The following NID1 variants were observed in gnomAD, a reference collection of about 807,000 sequenced individuals.
The protein encoded by NID1 is nidogen-1.
Under a neutral mutation model 130.6 loss-of-function variants are expected in NID1, and 76 were observed. The observed-to-expected ratio is 0.58, with a 90% confidence interval of 0.48 to 0.70. The LOEUF is 0.70. Among genes scored for constraint, NID1 ranks in the 30% least tolerant of loss-of-function variants. The pLI, the probability that NID1 is intolerant of heterozygous loss-of-function variation, is 0.00. For missense variants in NID1, 1,517 were observed against 1,664.8 expected (o/e 0.91, Z 1.54); for synonymous variants, 665 against 675.1 (o/e 0.98, Z 0.23).
intron 2 of NID1, among the ~76,000 whole-genome samples, chr1:236,047,801 T>C (rs983798016): frequency 1.3e-5 from 2 of 150,850 alleles, no homozygotes; most frequent in African/African-American, 4.9e-5. Flanking sequence ...CTGAGGTGGG[T>C]GGATCATTTG....
rs748334985 is a variant in NID1, at chr1:236,029,640, T to C, written c.1648A>G (p.Thr550Ala). 5.6e-6 allele frequency: 9 copies of C among 1,612,960 alleles called. No homozygotes were observed. Among genetic ancestry groups the C allele is most frequent in the Non-Finnish European group, 7.6e-6 (9 of 1,179,624 alleles). Residue 550 changes from threonine to alanine, a missense_variant, in exon 7 of 20, where the codon ACG (threonine) becomes GCG (alanine). By Grantham distance (58) the Thr-to-Ala change is moderately conservative (BLOSUM62 0). Coordinates refer to ENST00000264187, the MANE Select transcript of NID1 (RefSeq NM_002508.3). ...TGCGGCACGCGGCCCTCCAGCTCCG[T>C]GTCGATGGTCAGGTGCCCATGCTCA... ...IDEHGHLTID[T>A]ELEGRVPQIP...
chr1:235,980,021 G>T lies in NID1; in HGVS notation c.3386-76C>A, dbSNP rs932701811. On this transcript the variant is annotated intron_variant, in intron 17 of 19. Transcript: ENST00000264187. ...TTTGTGCAAAAAAAACAAGAGTAAT[G>T]AGGGCAAGAGTGGGAGAAATTAAGC... 3.0e-5 allele frequency: 45 copies of T among 1,497,716 alleles called. No homozygotes were observed. In the Admixed American group the frequency reaches 7.3e-4, roughly 24 times the overall value. The allele number at this position is 1,497,716 out of a possible 1,614,324, so 92.8% of individuals were successfully genotyped here.
chr1:236,044,485 A>T (rs568718361), intron 3 of NID1, among the ~76,000 whole-genome samples: 1 of 152,292 alleles, frequency 6.6e-6, no homozygotes, highest in Admixed American at 6.5e-5. Context: ...GAGTGACATG[A>T]CGTTAATAAC....
At chr1:236,007,450 T>C (rs1392370207) in intron 12 of NID1, among the ~76,000 whole-genome samples, 2 of 152,170 alleles carry the variant, frequency 1.3e-5, no homozygotes, top group African/African-American at 4.8e-5. Context: ...TGGTCTTCCA[T>C]ACTTGGGCAG....
chr1:236,030,824 CAA>C (rs1211722878), intron 6 of NID1, among the ~76,000 whole-genome samples: 1 of 152,186 alleles, frequency 6.6e-6, no homozygotes, highest in African/African-American at 2.4e-5. Flanking sequence ...CAGGAATTTG[CAA>C]AGACTTCCTC....
At position 236,029,622 on chromosome 1, in the gene NID1, C is replaced by A. The variant is rs376540541; in HGVS notation, c.1666G>T (p.Val556Leu). The A allele has an allele frequency of 6.2e-7, 1 of 1,607,316 alleles. No individual in the cohort carries two copies. The highest frequency in any genetic ancestry group is 1.1e-5 in the South Asian group (1 of 89,892). Residue 556 changes from valine (V) to leucine (L), a missense_variant, in exon 7 of 20, where the codon GTG (valine) becomes TTG (leucine). Val to Leu is a conservative substitution (Grantham distance 32). Transcript: ENST00000264187. ...GAGGAGCCGAACGGAATCTGCGGCA[C>A]GCGGCCCTCCAGCTCCGTGTCGATG... ...LTIDTELEGR[V>L]PQIPFGSSVH... is the part of the protein sequence containing the mutation.
chr1:236,033,047 C>T (rs1659146807), intron 5 of NID1, among the ~76,000 whole-genome samples: 1 of 152,180 alleles, frequency 6.6e-6, no homozygotes, highest in African/African-American at 2.4e-5. Context: ...GTGGCTCATG[C>T]CTGTAATCCC....
At chr1:236,026,220 C>T (rs1392356483) in intron 7 of NID1, 79 bp from the exon 8 acceptor site, 25 of 1,568,422 alleles carry the variant, frequency 1.6e-5, no homozygotes, top group Admixed American at 1.4e-4. Flanking sequence ...GCTGAATCAA[C>T]GGCTTTCAAG....
At chr1:236,052,609 A>G (rs1344201606) in intron 1 of NID1, among the ~76,000 whole-genome samples, 1 of 152,180 alleles carries the variant, frequency 6.6e-6, no homozygotes, top group African/African-American at 2.4e-5. Flanking sequence ...ATGAGAAAAA[A>G]AAAATCTATT....
chr1:235,980,053 A>T, intron 17 of NID1, 108 bp from the exon 18 acceptor site: 2 of 1,265,362 alleles, frequency 1.6e-6, no homozygotes, highest in Non-Finnish European at 2.3e-6. Context: ...AAGCATTACA[A>T]TGACAAGTCC....
At chr1:236,033,666 C>T (rs997776575) in intron 5 of NID1, among the ~76,000 whole-genome samples, 3 of 152,108 alleles carry the variant, frequency 2.0e-5, no homozygotes, top group African/African-American at 7.2e-5. Context: ...TCCTTAATAC[C>T]TTGATAATAA....
chr1:235,980,386 G>A, intron 17 of NID1, 110 bp downstream of exon 17: 1 of 1,082,762 alleles, frequency 9.2e-7, no homozygotes, highest in Non-Finnish European at 1.3e-6. Context: ...ATAGCTTCTG[G>A]GTTATATAAA....
At position 236,025,907 on chromosome 1, in the gene NID1, C is replaced by A; in HGVS notation, c.1973G>T (p.Gly658Val). ...ILRYALSNSI[G>V]PVREGSPDAL... ...CTGTATCCCCTTACCCCTCACAGGC[C>A]CAATGGAGTTGCTGAGAGCATAGCG... Residue 658 changes from glycine (G) to valine (V), a missense_variant, in exon 8 of 20, where the codon GGG (glycine) becomes GTG (valine). Gly to Val is a moderately radical substitution (Grantham distance 109). Around this residue, in one of 3 missense-constraint regions of NID1, gnomAD observed 1,329 missense variants for 1,429.2 expected, o/e 0.93. Transcript: ENST00000264187. 1 of 1,613,964 alleles carries A rather than the reference C, an allele frequency of 6.2e-7. No homozygotes were observed. Among genetic ancestry groups the A allele is most frequent in the Non-Finnish European group, 8.5e-7 (1 of 1,179,970 alleles).
At chr1:236,049,459 GA>G (rs972285103) in intron 1 of NID1, among the ~76,000 whole-genome samples, 7 of 152,026 alleles carry the variant, frequency 4.6e-5, no homozygotes, top group African/African-American at 1.7e-4. Flanking sequence ...CAGCCTGGGT[GA>G]CAGGGTGAAC....
chr1:236,016,160 A>C (rs190058245), intron 10 of NID1, among the ~76,000 whole-genome samples: 1 of 152,256 alleles, frequency 6.6e-6, no homozygotes, highest in African/African-American at 2.4e-5. Flanking sequence ...ACTGAGGAAA[A>C]AAAAAAAAGA....
At chr1:236,059,399 A>G (rs1018757419) in intron 1 of NID1, among the ~76,000 whole-genome samples, 1 of 152,226 alleles carries the variant, frequency 6.6e-6, no homozygotes, top group Non-Finnish European at 1.5e-5. Flanking sequence ...TAGAGCCCAC[A>G]AGTGGACCTG....
intron 1 of NID1, among the ~76,000 whole-genome samples, chr1:236,052,393 G>T (rs1200645549): frequency 6.6e-6 from 1 of 152,140 alleles, no homozygotes; most frequent in Admixed American, 6.5e-5. Context: ...ATCCCCAAGG[G>T]CACTGGGCCG....
intron 8 of NID1, among the ~76,000 whole-genome samples, chr1:236,025,458 C>T (rs1405179999): frequency 1.3e-5 from 2 of 151,894 alleles, no homozygotes; most frequent in South Asian, 4.2e-4. Flanking sequence ...TACAGGGTTT[C>T]ACCATGTTGG....
intron 13 of NID1, among the ~76,000 whole-genome samples, chr1:235,992,339 T>C (rs1463137191): frequency 6.6e-6 from 1 of 152,202 alleles, no homozygotes; most frequent in East Asian, 1.9e-4. Context: ...TCGTAAGTAG[T>C]GCAACAGCCT....
Sources: allele counts gnomAD v4.1 joint callset (sites outside exome capture counted in the v4.1 genomes callset), GRCh38; gene constraint gnomAD v4.1.1; regional missense constraint gnomAD v4.1.1; transcripts MANE v1.5; gene names NCBI Gene and HGNC (gene_info 2026-07-23, HGNC 2026-07-21).